ARHGAP42: variants seen among roughly 807,000 people sequenced by gnomAD.
ARHGAP42 encodes Rho GTPase activating protein 42.
A neutral mutation model predicts 125.0 loss-of-function variants in ARHGAP42; 63 were observed. The ratio of observed to expected loss-of-function variants is 0.50; its 90% CI spans 0.41 to 0.62. The LOEUF (loss-of-function observed/expected upper bound fraction) is 0.62, where lower values mean the gene tolerates loss of function less well. Among genes scored for constraint, ARHGAP42 ranks in the 20% least tolerant of loss-of-function variants. The pLI is 0.00. For missense variants in ARHGAP42, 766 were observed against 1,024.2 expected, an observed-to-expected ratio of 0.75 and a Z score of 3.44; for synonymous variants, 339 against 351.0, an observed-to-expected ratio of 0.97 and a Z score of 0.38.
chr11:100,707,966 T>C (rs1861505241), intron 1 of ARHGAP42, among the ~76,000 whole-genome samples: 1 of 152,242 alleles, frequency 6.6e-6, no homozygotes, highest in Non-Finnish European at 1.5e-5. Flanking sequence ...TATGAGAATA[T>C]GATATCTGTT....
At chr11:100,845,029 G>A (rs901255286) in intron 3 of ARHGAP42, among the ~76,000 whole-genome samples, 2 of 151,716 alleles carry the variant, frequency 1.3e-5, no homozygotes, top group African/African-American at 4.8e-5. Context: ...CAAAAACGTG[G>A]ATACAACCCA....
intron 3 of ARHGAP42, among the ~76,000 whole-genome samples, chr11:100,803,905 T>G (rs1036593728): frequency 3.3e-5 from 5 of 152,252 alleles, no homozygotes; most frequent in Non-Finnish European, 7.3e-5. Context: ...TTTTTCATTT[T>G]GATGAACATG....
intron 2 of ARHGAP42, among the ~76,000 whole-genome samples, chr11:100,774,535 A>G (rs901574587): frequency 6.6e-6 from 1 of 152,200 alleles, no homozygotes; most frequent in East Asian, 1.9e-4. Flanking sequence ...AAAGAAGCTC[A>G]TCTTTTGTAT....
chr11:100,933,281 A>T (rs1867636059), intron 7 of ARHGAP42, 21 bp downstream of exon 7: 1 of 1,482,706 alleles, frequency 6.7e-7, no homozygotes, highest in African/African-American at 1.4e-5. Flanking sequence ...ACCTGTTCTT[A>T]CTGTCTCTCA....
At chr11:100,752,467 CT>C (rs1225432117) in intron 1 of ARHGAP42, among the ~76,000 whole-genome samples, 5 of 152,198 alleles carry the variant, frequency 3.3e-5, no homozygotes, top group African/African-American at 1.2e-4. Context: ...TTTTGTACTA[CT>C]GGCTGTTCCC....
chr11:100,942,490 C>A (rs1035772795), intron 9 of ARHGAP42, among the ~76,000 whole-genome samples: 1 of 152,124 alleles, frequency 6.6e-6, no homozygotes, highest in Non-Finnish European at 1.5e-5. Context: ...GGCATATAAT[C>A]TTCTTGTGAG....
At chr11:100,973,711 G>A (rs1018693210) in intron 18 of ARHGAP42, among the ~76,000 whole-genome samples, 2 of 152,140 alleles carry the variant, frequency 1.3e-5, no homozygotes, top group Non-Finnish European at 2.9e-5. Context: ...ATAGGCAACA[G>A]TCTTGAAGTC....
intron 1 of ARHGAP42, among the ~76,000 whole-genome samples, chr11:100,690,426 A>T (rs1345452810): frequency 1.3e-5 from 2 of 152,152 alleles, no homozygotes. Context: ...TTCCAATAAG[A>T]GTCACACATG....
intron 4 of ARHGAP42, among the ~76,000 whole-genome samples, chr11:100,896,539 T>C (rs987661538): frequency 2.0e-5 from 3 of 152,220 alleles, no homozygotes; most frequent in Admixed American, 2.0e-4. Context: ...TTCTAACTGG[T>C]ATGAGGTGAT....
In ARHGAP42 at chr11:100,959,864, AT is replaced by A; in HGVS notation, c.1163-16del. On this transcript the variant is annotated intron_variant, in intron 12 of 23. Transcript: ENST00000298815. ...GAGTTCAGCGTAAACACCTAATGCG[AT>A]TTCTCTCTTATTTTCAGTGTATTTG... The A allele has an allele frequency of 6.4e-7, 1 of 1,550,492 alleles. No homozygotes were observed.
At chr11:100,893,845 T>A (rs576983441) in intron 4 of ARHGAP42, among the ~76,000 whole-genome samples, 26 of 152,224 alleles carry the variant, frequency 1.7e-4, no homozygotes, top group Non-Finnish European at 2.6e-4. Flanking sequence ...GATAGAAATA[T>A]TTATTTTAGG....
chr11:100,787,669 C>A (rs562990678), intron 2 of ARHGAP42, among the ~76,000 whole-genome samples: 1 of 152,240 alleles, frequency 6.6e-6, no homozygotes, highest in East Asian at 1.9e-4. Context: ...TGCCTGGGTA[C>A]CTGTGCAATA....
intron 3 of ARHGAP42, among the ~76,000 whole-genome samples, chr11:100,812,057 T>C (rs1241312454): frequency 6.6e-6 from 1 of 152,202 alleles, no homozygotes; most frequent in East Asian, 1.9e-4. Flanking sequence ...CACCTAGGCC[T>C]CCCAAAGTGC....
At chr11:100,897,072 C>T (rs1156757948) in intron 4 of ARHGAP42, among the ~76,000 whole-genome samples, 20 of 152,122 alleles carry the variant, frequency 1.3e-4, no homozygotes, top group Non-Finnish European at 2.4e-4. Flanking sequence ...AGCCAGTTTT[C>T]CCAGCACCAT....
chr11:100,840,143 A>G (rs1265701893), intron 3 of ARHGAP42, among the ~76,000 whole-genome samples: 1 of 152,208 alleles, frequency 6.6e-6, no homozygotes, highest in African/African-American at 2.4e-5. Context: ...GAATATTTGT[A>G]TCAAACATGC....
chr11:100,773,379 A>G (rs982189582), intron 2 of ARHGAP42, among the ~76,000 whole-genome samples: 12 of 152,084 alleles, frequency 7.9e-5, no homozygotes, highest in Admixed American at 5.9e-4. Context: ...TATAGCAAAT[A>G]CTCCTGGGTT....
chr11:100,845,674 T>A (rs1865048933), intron 3 of ARHGAP42, among the ~76,000 whole-genome samples: 1 of 152,166 alleles, frequency 6.6e-6, no homozygotes, highest in Non-Finnish European at 1.5e-5. Context: ...GCTGAAGAGA[T>A]AGAAGCTTTT....
At position 100,988,780 on chromosome 11, in the gene ARHGAP42, A is replaced by C. The variant is rs1295177659; in HGVS notation, c.2604A>C (p.Glu868Asp). The change falls in exon 24 of 24, where the codon GAA becomes GAC. Residue 868 changes from glutamate (E) to aspartate (D), a missense_variant. By Grantham distance (45) the Glu-to-Asp change is conservative. Transcript: ENST00000298815. The stretch of plus-strand genomic sequence containing the variant: ...AAGGCAAAACAGGACTAGTTCCAGA[A>C]AATTATGTTGTCTTCCTCTAATACT... ...TYEGKTGLVPENYVVFL is the reference protein window; with the variant it reads ...TYEGKTGLVPDNYVVFL 3 of 1,549,718 alleles carry C rather than the reference A, an allele frequency of 1.9e-6. No homozygotes were observed. The highest frequency in any genetic ancestry group is 2.7e-5 in the African/African-American group (2 of 72,988).
chr11:100,866,314 T>G (rs1025907071), intron 4 of ARHGAP42, among the ~76,000 whole-genome samples: 1 of 152,176 alleles, frequency 6.6e-6, no homozygotes, highest in Non-Finnish European at 1.5e-5. Flanking sequence ...CCCCACCAAG[T>G]AATCCATAAG....
Sources: gnomAD v4.1 joint callset for allele counts (sites outside exome capture counted in the v4.1 genomes callset) on GRCh38, gnomAD v4.1.1 for gene constraint, MANE v1.5 for transcripts, NCBI Gene and HGNC (gene_info 2026-07-23, HGNC 2026-07-21) for gene names.